Variants in PCDHAC2 observed in about 807,000 individuals in gnomAD.
PCDHAC2 encodes the protein protocadherin alpha-C2.
Under a neutral mutation model 63.3 loss-of-function variants are expected in PCDHAC2, and 24 were observed. That is an observed-to-expected ratio of 0.38 (90% CI 0.27 to 0.53). The LOEUF (loss-of-function observed/expected upper bound fraction) is 0.53, where lower values mean the gene tolerates loss of function less well. Among genes scored for constraint, PCDHAC2 ranks in the 20% least tolerant of loss-of-function variants. PCDHAC2 has a pLI of 0.81. For missense variants in PCDHAC2, 1,181 were observed against 1,275.2 expected, an observed-to-expected ratio of 0.93 and a Z score of 1.12; for synonymous variants, 569 against 529.4, an observed-to-expected ratio of 1.07 and a Z score of -1.03.
Position 141,010,924 on chromosome 5 carries a change from T to G in PCDHAC2, c.*987T>G, listed in dbSNP as rs1016736721. 1 of 153,778 alleles carries G rather than the reference T, an allele frequency of 6.5e-6. No homozygotes were observed. Among genetic ancestry groups the G allele is most frequent in the Non-Finnish European group, 1.5e-5 (1 of 68,046 alleles). 9.5% of individuals were successfully genotyped at this position (153,778 alleles called of 1,614,324 possible). A position where few individuals can be genotyped will look rare whatever the true frequency, so the allele number is the denominator to read the frequency against. Reference sequence around the variant, plus strand: ...CCCCTAAACTCTCCTCAAAAGAGAATTCAGTCTACAGCCATTTAAATGATC... The same window carrying G: ...CCCCTAAACTCTCCTCAAAAGAGAAGTCAGTCTACAGCCATTTAAATGATC... On this transcript the variant is annotated 3_prime_UTR_variant, in exon 4 of 4. Transcript: ENST00000289269.
chr5:140,986,385 T>C (rs1554247992), intron 3 of PCDHAC2, among the ~76,000 whole-genome samples: 2 of 152,134 alleles, frequency 1.3e-5, no homozygotes, highest in Non-Finnish European at 1.5e-5. Context: ...GGAGGGACAT[T>C]AAAGGGCCAG....
At position 140,969,337 on chromosome 5, in the gene PCDHAC2, AC is replaced by A; in HGVS notation, c.2565+7del. ...AGGCTGTTTCTCAAAATGAGGTGAG[AC>A]AGTGGTCAGGGGGTCTTCTACAAAC... On this transcript the variant is annotated splice_region_variant and intron_variant, in intron 1 of 3. Transcript: ENST00000289269. 1 of 1,613,970 alleles carries A rather than the reference AC, an allele frequency of 6.2e-7. No individual in the cohort carries two copies. The highest frequency in any genetic ancestry group is 2.2e-5 in the East Asian group (1 of 44,882).
Position 140,968,488 on chromosome 5 carries a change from C to A in PCDHAC2, c.1722C>A (p.Asp574Glu). 1 of 1,614,148 alleles carries A rather than the reference C, an allele frequency of 6.2e-7. No individual in the cohort carries two copies. The highest frequency in any genetic ancestry group is 1.1e-5 in the South Asian group (1 of 91,076). The part of the protein sequence containing the change: ...TANVYVVDMN[D>E]HAPHILYPTS... Reference sequence around the variant, plus strand: ...ACGTATATGTGGTGGACATGAATGACCATGCCCCTCACATTCTGTACCCTA... The same window carrying A: ...ACGTATATGTGGTGGACATGAATGAACATGCCCCTCACATTCTGTACCCTA... The change falls in exon 1 of 4, where the codon GAC becomes GAA. Residue 574 changes from aspartate to glutamate, a missense_variant. Asp to Glu is a conservative substitution (Grantham distance 45). Around this residue, in one of 3 missense-constraint regions of PCDHAC2, gnomAD observed 968 missense variants for 1,073.5 expected, o/e 0.90. Transcript: ENST00000289269.
In PCDHAC2 at chr5:141,012,190, T is replaced by C. The variant is rs1002658582; in HGVS notation, c.*2253T>C. On this transcript the variant is annotated 3_prime_UTR_variant, in exon 4 of 4. Transcript: ENST00000289269. ...TTAATGATGATAATTATAATGTATCTGTACAGCACTTTTTACATTTGCGAA... is the reference window on the plus strand; with the variant it reads ...TTAATGATGATAATTATAATGTATCCGTACAGCACTTTTTACATTTGCGAA... The C allele has an allele frequency of 2.0e-5, 3 of 153,780 alleles. No homozygotes were observed. Among genetic ancestry groups the C allele is most frequent in the African/African-American group, 7.2e-5 (3 of 41,458 alleles). 9.5% of individuals were successfully genotyped at this position (153,780 alleles called of 1,614,324 possible).
At chr5:140,989,777 A>G (rs1406464822) in intron 3 of PCDHAC2, among the ~76,000 whole-genome samples, 2 of 152,230 alleles carry the variant, frequency 1.3e-5, no homozygotes, top group African/African-American at 4.8e-5. Context: ...AGCACTGGCT[A>G]GAGACTAGAG....
In PCDHAC2 at chr5:141,010,583, G is replaced by A. The variant is rs1186884021; in HGVS notation, c.*646G>A. The A allele has an allele frequency of 4.1e-5, 10 of 242,992 alleles. No individual in the cohort carries two copies. The highest frequency in any genetic ancestry group is 3.6e-4 in the Admixed American group (7 of 19,606). 15.1% of individuals were successfully genotyped at this position (242,992 alleles called of 1,614,324 possible). A position where few individuals can be genotyped will look rare whatever the true frequency, so the allele number is the denominator to read the frequency against. The stretch of plus-strand genomic sequence containing the variant: ...TGACAAGGCTTTAGGAGACCCTAAA[G>A]TCTGTTGGCTGTGACGTCATTATAC... On this transcript the variant is annotated 3_prime_UTR_variant, in exon 4 of 4. Coordinates refer to ENST00000289269, the MANE Select transcript of PCDHAC2 (RefSeq NM_018899.6).
In PCDHAC2 at chr5:141,000,611, A is replaced by T. The variant is rs185617081; in HGVS notation, c.2714-9016A>T. Among the ~76,000 whole-genome samples the T allele has an allele frequency of 4.7e-3, 713 of 150,994 alleles. 3 individuals carry two copies. Among genetic ancestry groups the T allele is most frequent in the Non-Finnish European group, 7.5e-3 (505 of 67,758 alleles). ...CCCAGCTAATTTTTGTATTTTTAGT[A>T]GAGACAGGGTTTCACCATGTTGGGC... On this transcript the variant is annotated intron_variant, in intron 3 of 3. Transcript: ENST00000289269.
chr5:141,008,678 G>C (rs1463545809), intron 3 of PCDHAC2, among the ~76,000 whole-genome samples: 1 of 152,112 alleles, frequency 6.6e-6, no homozygotes, highest in Non-Finnish European at 1.5e-5. Flanking sequence ...ATATACTTTA[G>C]TTATTGCATG....
chr5:140,994,515 C>A (rs1450335712), intron 3 of PCDHAC2, among the ~76,000 whole-genome samples: 1 of 150,238 alleles, frequency 6.7e-6, no homozygotes, highest in African/African-American at 2.5e-5. Context: ...ACAGCCTGGG[C>A]AACATGGCAA....
chr5:140,990,022 G>A (rs891983888), intron 3 of PCDHAC2, among the ~76,000 whole-genome samples: 1 of 152,156 alleles, frequency 6.6e-6, no homozygotes, highest in African/African-American at 2.4e-5. Flanking sequence ...GCTAGGCAAA[G>A]GATGGGAGAA....
At chr5:140,996,431 T>C (rs1294673547) in intron 3 of PCDHAC2, among the ~76,000 whole-genome samples, 1 of 152,182 alleles carries the variant, frequency 6.6e-6, no homozygotes, top group African/African-American at 2.4e-5. Flanking sequence ...ACTTTGGGAA[T>C]AGTCAGTGTC....
rs782354452 is a variant in PCDHAC2, at chr5:140,966,783, C to G, written c.17C>G (p.Thr6Ser). 28 of 1,520,948 alleles carry G rather than the reference C, an allele frequency of 1.8e-5. No homozygotes were observed. The highest frequency in any genetic ancestry group is 2.1e-4 in the Middle Eastern group (1 of 4,706). The allele number at this position is 1,520,948 out of a possible 1,614,324, so 94.2% of individuals were successfully genotyped here. The change falls in exon 1 of 4, where the codon ACC becomes AGC. Residue 6 changes from threonine to serine, a missense_variant. Physicochemically the swap from Thr to Ser is moderately conservative, Grantham distance 58. This residue lies in a region of PCDHAC2 where 210 missense variants were observed against 184.9 expected (regional missense o/e 1.14). Transcript: ENST00000289269. ...CCAGTGGCTATGGAGCAGGCGGGCA[C>G]CAGACCTGCGGCGACAGAGCATCCA... MEQAG[T>S]RPAATEHPRL...
rs2096204544 is a variant in PCDHAC2, at chr5:140,967,970, C to T, written c.1204C>T (p.Leu402=). Residue 402 remains leucine (L), a synonymous_variant, in exon 1 of 4, where the codon CTG becomes TTG. Coordinates refer to ENST00000289269, the MANE Select transcript of PCDHAC2 (RefSeq NM_018899.6). ...QDSGPNRKVS[L]GLEATLPFRL... is the part of the protein sequence containing the mutation. ...CTCAGGCCCCAACCGGAAAGTGAGC[C>T]TGGGTCTGGAGGCCACACTGCCTTT... 2 of 1,614,202 alleles carry T rather than the reference C, an allele frequency of 1.2e-6. No homozygotes were observed. The highest frequency in any genetic ancestry group is 2.2e-5 in the South Asian group (2 of 91,082).
chr5:140,982,795 A>ATGTG (rs60616196), intron 3 of PCDHAC2, among the ~76,000 whole-genome samples: 1 of 151,628 alleles, frequency 6.6e-6, no homozygotes, highest in African/African-American at 2.4e-5. Context: ...GCATGTGTGC[A>ATGTG]TGTGTGTGTG....
chr5:140,987,882 T>G (rs942974119), intron 3 of PCDHAC2, among the ~76,000 whole-genome samples: 2 of 152,158 alleles, frequency 1.3e-5, no homozygotes, highest in Non-Finnish European at 2.9e-5. Flanking sequence ...ATGGACAGTT[T>G]ATGTGCCCTA....
rs549880473 is a variant in PCDHAC2, at chr5:140,972,926, T to C, written c.2565+3595T>C. Among the ~76,000 whole-genome samples the C allele has an allele frequency of 9.2e-5, 14 of 152,264 alleles. No individual in the cohort carries two copies. The East Asian group carries it at 2.7e-3, about 29-fold the overall frequency. On this transcript the variant is annotated intron_variant, in intron 1 of 3. Coordinates refer to ENST00000289269, the MANE Select transcript of PCDHAC2 (RefSeq NM_018899.6). ...ATCCACCCGCCTTGGCCTCCCAAAG[T>C]GCTGGGATTACAGATGTGAGCCACC...
At chr5:140,995,629 T>C (rs1333793289) in intron 3 of PCDHAC2, among the ~76,000 whole-genome samples, 1 of 152,164 alleles carries the variant, frequency 6.6e-6, no homozygotes, top group Admixed American at 6.5e-5. Context: ...TTGGAAACTT[T>C]GGAGTGTTTA....
intron 3 of PCDHAC2, among the ~76,000 whole-genome samples, chr5:140,991,295 A>G (rs1215731555): frequency 6.6e-6 from 1 of 152,202 alleles, no homozygotes; most frequent in African/African-American, 2.4e-5. Context: ...TTAACACATT[A>G]CTATTATCTT....
chr5:140,979,408 G>GTT (rs558051720), intron 2 of PCDHAC2, among the ~76,000 whole-genome samples: 2 of 147,646 alleles, frequency 1.4e-5, no homozygotes, highest in African/African-American at 2.5e-5. Context: ...TGTCTACCTT[G>GTT]TTTTTTTTTT....
Sources: allele counts gnomAD v4.1 joint callset (sites outside exome capture counted in the v4.1 genomes callset), GRCh38; gene constraint gnomAD v4.1.1; regional missense constraint gnomAD v4.1.1; transcripts MANE v1.5; gene names NCBI Gene and HGNC (gene_info 2026-07-23, HGNC 2026-07-21).